The following SLC30A10 variants were observed in gnomAD, a reference collection of about 807,000 sequenced individuals.
SLC30A10 encodes solute carrier family 30 member 10.
SLC30A10 carries 8 observed loss-of-function variants against 21.7 expected under a neutral mutation model. The ratio of observed to expected loss-of-function variants is 0.37; its 90% CI spans 0.22 to 0.67. The LOEUF is 0.67. Ranked by LOEUF, SLC30A10 falls within the 30% of genes least tolerant of loss-of-function variation. SLC30A10 has a pLI of 0.58. For missense variants in SLC30A10, 521 were observed against 642.5 expected, an observed-to-expected ratio of 0.81 and a Z score of 2.04; for synonymous variants, 272 against 279.4, an observed-to-expected ratio of 0.97 and a Z score of 0.26.
intron 2 of SLC30A10, among the ~76,000 whole-genome samples, chr1:219,920,817 G>GGTA (rs1180610417): frequency 1.3e-5 from 2 of 152,198 alleles, no homozygotes. Context: ...CTACGTGACA[G>GGTA]GCAGCTGTAA....
chr1:219,951,720 CA>C (rs879641670), intron 1 of SLC30A10, among the ~76,000 whole-genome samples: 44 of 134,728 alleles, frequency 3.3e-4, no homozygotes, highest in Non-Finnish European at 2.9e-4. Flanking sequence ...GACTCCATCT[CA>C]AAAAAAAAAA....
chr1:219,937,201 G>A (rs377429512), intron 1 of SLC30A10, among the ~76,000 whole-genome samples: 3 of 152,080 alleles, frequency 2.0e-5, no homozygotes, highest in Non-Finnish European at 2.9e-5. Context: ...ATTGCATGTC[G>A]CTGTGGAAAA....
At chr1:219,926,872 G>C (rs1659838233) in intron 2 of SLC30A10, among the ~76,000 whole-genome samples, 156 bp downstream of exon 2, 1 of 152,162 alleles carries the variant, frequency 6.6e-6, no homozygotes, top group Non-Finnish European at 1.5e-5. Context: ...CAGGATCAAT[G>C]CAGTGATTAC....
At chr1:219,923,069 G>A (rs546155537) in intron 2 of SLC30A10, among the ~76,000 whole-genome samples, 8 of 152,262 alleles carry the variant, frequency 5.3e-5, no homozygotes, top group African/African-American at 1.9e-4. Flanking sequence ...GTGAAGAGAA[G>A]GGCAGAAATG....
At chr1:219,924,766 T>C (rs1404741997) in intron 2 of SLC30A10, among the ~76,000 whole-genome samples, 1 of 152,208 alleles carries the variant, frequency 6.6e-6, no homozygotes, top group African/African-American at 2.4e-5. Flanking sequence ...TCAATAAAAA[T>C]GTTAGCTAGT....
intron 1 of SLC30A10, among the ~76,000 whole-genome samples, chr1:219,955,571 TA>T (rs1321674611): frequency 6.6e-6 from 1 of 152,202 alleles, no homozygotes; most frequent in Non-Finnish European, 1.5e-5. Context: ...CTATTATATT[TA>T]ATTTAAAGTT....
At chr1:219,948,954 G>A (rs1204807869) in intron 1 of SLC30A10, among the ~76,000 whole-genome samples, 1 of 152,070 alleles carries the variant, frequency 6.6e-6, no homozygotes, top group Non-Finnish European at 1.5e-5. Context: ...CGAAGGACAT[G>A]AACAGACACT....
intron 2 of SLC30A10, among the ~76,000 whole-genome samples, chr1:219,925,714 G>T (rs1460834526): frequency 1.5e-5 from 2 of 130,242 alleles, no homozygotes; most frequent in African/African-American, 5.9e-5. Context: ...GGAGTGCAGT[G>T]GTACAATCTC....
At chr1:219,937,596 C>T (rs2102541105) in intron 1 of SLC30A10, among the ~76,000 whole-genome samples, 1 of 152,336 alleles carries the variant, frequency 6.6e-6, no homozygotes, top group Admixed American at 6.5e-5. Context: ...GGGCGGATCA[C>T]TTGAGGTGTG....
chr1:219,927,494 A>C (rs1659857027), intron 1 of SLC30A10, among the ~76,000 whole-genome samples: 1 of 151,984 alleles, frequency 6.6e-6, no homozygotes, highest in Non-Finnish European at 1.5e-5. Flanking sequence ...GATTTCCAAG[A>C]AAATCAATAC....
At chr1:219,939,868 G>A (rs985079424) in intron 1 of SLC30A10, among the ~76,000 whole-genome samples, 6 of 152,190 alleles carry the variant, frequency 3.9e-5, no homozygotes, top group African/African-American at 1.2e-4. Context: ...AGCTCATGCC[G>A]CATGGACTGA....
At position 219,915,841 on chromosome 1, in the gene SLC30A10, C is replaced by T. The variant is rs371719088; in HGVS notation, c.1066G>A (p.Asp356Asn). The change falls in exon 4 of 4, where the codon GAC becomes AAC. Residue 356 changes from aspartate to asparagine, a missense_variant. Transcript: ENST00000366926. ...IATLHIKYPK[D>N]RGYQDASTKI... ...GTGCTGGCATCTTGATATCCCCTGT[C>T]CTTAGGATACTTGATGTGCAGGGTG... 6.2e-7 allele frequency: 1 copy of T among 1,614,084 alleles called. No homozygotes were observed. Among genetic ancestry groups the T allele is most frequent in the Non-Finnish European group, 8.5e-7 (1 of 1,180,056 alleles).
At chr1:219,926,495 G>A (rs1460014595) in intron 2 of SLC30A10, among the ~76,000 whole-genome samples, 1 of 150,224 alleles carries the variant, frequency 6.7e-6, no homozygotes, top group East Asian at 1.9e-4. Flanking sequence ...ACCACATGGT[G>A]AGAGGCTAGC....
Position 219,912,170 on chromosome 1 carries a change from C to CAAAA in SLC30A10, c.*3275_*3278dup, listed in dbSNP as rs59792236. On this transcript the variant is annotated 3_prime_UTR_variant, in exon 4 of 4. Transcript: ENST00000366926. ...CCACTGGAATTTGCTCTACCAATGG[C>CAAAA]AAAAAAAAAAAAAAAAAAAAAAAAA... Among the ~76,000 whole-genome samples the CAAAA allele has an allele frequency of 1.2e-3, 88 of 74,714 alleles. 7 individuals carry two copies. Among genetic ancestry groups the CAAAA allele is most frequent in the African/African-American group, 4.5e-3 (82 of 18,300 alleles). 49.0% of individuals were successfully genotyped at this position (74,714 alleles called of 152,430 possible). A position where few individuals can be genotyped will look rare whatever the true frequency, so the allele number is the denominator to read the frequency against.
At chr1:219,930,555 T>C (rs1250402748), upstream of SLC30A10, among the ~76,000 whole-genome samples, 4 of 152,164 alleles carry the variant, frequency 2.6e-5, no homozygotes, top group Non-Finnish European at 5.9e-5. Flanking sequence ...TAACCTTGTC[T>C]TTCAGTATTT....
At chr1:219,943,195 A>G (rs1031461992) in intron 1 of SLC30A10, among the ~76,000 whole-genome samples, 1 of 152,252 alleles carries the variant, frequency 6.6e-6, no homozygotes, top group Non-Finnish European at 1.5e-5. Flanking sequence ...AAGTATGTTT[A>G]ATAGAAGGGA....
chr1:219,950,405 C>T lies in SLC30A10; in HGVS notation n.80+8163G>A, dbSNP rs373092181. 3.9e-4 allele frequency among the ~76,000 whole-genome samples: 60 copies of T among 152,108 alleles called. 1 individual carries two copies. Among genetic ancestry groups the T allele is most frequent in the African/African-American group, 1.3e-3 (53 of 41,480 alleles). ...CTGTAATCCCAGCACTTTGGGAGGC[C>T]GAGGTGGGTGGATCACGAAGTCAGG... On this transcript the variant is annotated intron_variant and non_coding_transcript_variant, in intron 1 of 8. Transcript: ENST00000484239.
At chr1:219,951,660 G>GC (rs1008594051) in intron 1 of SLC30A10, among the ~76,000 whole-genome samples, 1 of 151,782 alleles carries the variant, frequency 6.6e-6, no homozygotes, top group Non-Finnish European at 1.5e-5. Context: ...GGCGGAGCTT[G>GC]CAGTGAGCCA....
intron 1 of SLC30A10, among the ~76,000 whole-genome samples, chr1:219,957,002 A>G (rs560451362): frequency 7.2e-5 from 11 of 152,306 alleles, no homozygotes; most frequent in Non-Finnish European, 1.6e-4. Flanking sequence ...ATTTGAAATC[A>G]TCTCTCTTGC....
Sources: allele counts gnomAD v4.1 joint callset (sites outside exome capture counted in the v4.1 genomes callset), GRCh38; gene constraint gnomAD v4.1.1; transcripts MANE v1.5; gene names NCBI Gene and HGNC (gene_info 2026-07-23, HGNC 2026-07-21).